PPFIBP2: variants seen among roughly 807,000 people sequenced by gnomAD.
The protein encoded by PPFIBP2 is PPFIB scaffold protein 2, also known as liprin-beta-2.
PPFIBP2 carries 118 observed loss-of-function variants against 118.3 expected under a neutral mutation model. That is an observed-to-expected ratio of 1.00 (90% CI 0.86 to 1.16). PPFIBP2 has a LOEUF of 1.16. Among genes scored for constraint, PPFIBP2 ranks in the 50% most tolerant of loss-of-function variants. The pLI is 0.00. For synonymous variants in PPFIBP2, 414 were observed against 397.4 expected (o/e 1.04, Z -0.50); for missense variants, 1,195 against 1,073.1 (o/e 1.11, Z -1.59).
intron 1 of PPFIBP2, among the ~76,000 whole-genome samples, chr11:7,542,102 A>G (rs895333432): frequency 1.3e-5 from 2 of 152,146 alleles, no homozygotes; most frequent in Non-Finnish European, 2.9e-5. Flanking sequence ...GATCATGTCA[A>G]CTCTATCCTC....
At chr11:7,666,497 G>C in the PPFIBP2 span, 1 of 1,613,428 alleles carries the variant, frequency 6.2e-7, no homozygotes, top group African/African-American at 1.3e-5. Flanking sequence ...ACTGGTCTGG[G>C]TGAGTCCTGG....
rs141812869 is a variant in PPFIBP2 at position 7,635,577 on chromosome 11, C to T, written c.1220C>T (p.Pro407Leu). The T allele has an allele frequency of 7.5e-5, 121 of 1,610,950 alleles. No homozygotes were observed. Among genetic ancestry groups the T allele is most frequent in the Middle Eastern group, 4.9e-4 (3 of 6,074 alleles). ...TGTATGGATGGGAACCAGCCCTTCC[C>T]GGTGTTAGAACCCAAGGTACATTGA... ...DKCMDGNQPF[P>L]VLEPKDSPFL... Residue 407 changes from proline to leucine, a missense_variant, in exon 14 of 24, where the codon CCG becomes CTG. Physicochemically the swap from Pro to Leu is moderately conservative, Grantham distance 98. Coordinates refer to ENST00000299492, the MANE Select transcript of PPFIBP2 (RefSeq NM_003621.5).
intron 10 of PPFIBP2, among the ~76,000 whole-genome samples, chr11:7,629,876 C>T (rs990432995): frequency 3.9e-5 from 6 of 152,156 alleles, no homozygotes; most frequent in Admixed American, 3.3e-4. Context: ...AAAATCAACT[C>T]AGTGCCATCA....
At chr11:7,544,658 T>C (rs938258325) in intron 1 of PPFIBP2, among the ~76,000 whole-genome samples, 27 of 150,984 alleles carry the variant, frequency 1.8e-4, no homozygotes, top group Admixed American at 6.6e-4. Flanking sequence ...CCTGTAGTCC[T>C]AGCTACTCGG....
At chr11:7,561,114 C>A (rs1287874497) in intron 2 of PPFIBP2, among the ~76,000 whole-genome samples, 1 of 152,204 alleles carries the variant, frequency 6.6e-6, no homozygotes, top group East Asian at 1.9e-4. Context: ...GTTGCCCAGG[C>A]TGGAGTGCAA....
At chr11:7,553,494 T>A (rs1187796767) in intron 2 of PPFIBP2, among the ~76,000 whole-genome samples, 3 of 152,226 alleles carry the variant, frequency 2.0e-5, no homozygotes, top group Non-Finnish European at 4.4e-5. Context: ...CTGAACCAAA[T>A]TGGGCCAAAG....
chr11:7,615,496 T>C (rs1848534882), intron 6 of PPFIBP2, among the ~76,000 whole-genome samples: 1 of 152,112 alleles, frequency 6.6e-6, no homozygotes, highest in South Asian at 2.1e-4. Context: ...TGAAAATAGA[T>C]GTGTTCCTGA....
intron 3 of PPFIBP2, among the ~76,000 whole-genome samples, chr11:7,589,736 G>A (rs1473053009): frequency 6.6e-6 from 1 of 152,158 alleles, no homozygotes; most frequent in Non-Finnish European, 1.5e-5. Context: ...CTGGGCAACT[G>A]CTCTATCGCT....
intron 1 of PPFIBP2, among the ~76,000 whole-genome samples, chr11:7,545,934 C>T (rs1365162190): frequency 1.3e-5 from 2 of 152,174 alleles, no homozygotes. Flanking sequence ...TGAGTTCAAT[C>T]ACCAAGGACT....
At chr11:7,549,057 GAC>G (rs1056131490) in intron 1 of PPFIBP2, among the ~76,000 whole-genome samples, 3 of 152,216 alleles carry the variant, frequency 2.0e-5, no homozygotes, top group Admixed American at 2.0e-4. Context: ...TGTACGCCCT[GAC>G]AGTGTCCCTG....
At chr11:7,640,341 G>A (rs1268749951) in intron 15 of PPFIBP2, among the ~76,000 whole-genome samples, 2 of 152,170 alleles carry the variant, frequency 1.3e-5, no homozygotes, top group African/African-American at 2.4e-5. Flanking sequence ...CCAAGTGGGA[G>A]CATTTCCTTA....
downstream of PPFIBP2, chr11:7,656,957 G>T: frequency 2.3e-6 from 1 of 434,356 alleles, no homozygotes; most frequent in Non-Finnish European, 4.3e-6. Context: ...CTGTGGGACA[G>T]GTGTCCAGGG....
chr11:7,601,964 A>G (rs1846691031), intron 5 of PPFIBP2, among the ~76,000 whole-genome samples: 1 of 151,996 alleles, frequency 6.6e-6, no homozygotes, highest in Non-Finnish European at 1.5e-5. Context: ...GTGGTGGTAC[A>G]TACCTGTAAT....
chr11:7,537,339 T>G (rs74051675), intron 1 of PPFIBP2, among the ~76,000 whole-genome samples: 1 of 151,768 alleles, frequency 6.6e-6, no homozygotes, highest in Non-Finnish European at 1.5e-5. Context: ...ACACTTTTTT[T>G]CCCCCCCACA....
At chr11:7,568,105 A>G (rs1389166750) in intron 3 of PPFIBP2, among the ~76,000 whole-genome samples, 1 of 152,208 alleles carries the variant, frequency 6.6e-6, no homozygotes, top group Non-Finnish European at 1.5e-5. Context: ...CATTGTTCAC[A>G]CCTAGAATTC....
At chr11:7,552,546 T>A (rs1475051868) in intron 2 of PPFIBP2, among the ~76,000 whole-genome samples, 3 of 152,212 alleles carry the variant, frequency 2.0e-5, no homozygotes, top group African/African-American at 7.2e-5. Context: ...CCTTATAGAC[T>A]GTTTCCCACA....
the PPFIBP2 span, chr11:7,665,305 G>T: frequency 6.7e-5 from 86 of 1,291,578 alleles, no homozygotes; most frequent in African/African-American, 1.2e-3. Flanking sequence ...CCAGTTTACC[G>T]TGGTGAAATT....
chr11:7,625,682 C>A, intron 7 of PPFIBP2, 95 bp from the exon 8 acceptor site: 1 of 944,118 alleles, frequency 1.1e-6, no homozygotes, highest in East Asian at 2.4e-5. Context: ...CTGATGCACC[C>A]TGGTGCCTGA....
intron 11 of PPFIBP2, 49 bp from the exon 12 acceptor site, chr11:7,632,818 G>C: frequency 1.4e-6 from 2 of 1,456,582 alleles, no homozygotes; most frequent in Non-Finnish European, 1.9e-6. Context: ...ATGGTGGGTG[G>C]TCCCCAAACA....
Sources: gnomAD v4.1 joint callset for allele counts (sites outside exome capture counted in the v4.1 genomes callset) on GRCh38, gnomAD v4.1.1 for gene constraint, MANE v1.5 for transcripts, NCBI Gene and HGNC (gene_info 2026-07-23, HGNC 2026-07-21) for gene names.